The following TPR variants were observed in gnomAD, a reference collection of about 807,000 sequenced individuals.
The protein encoded by TPR is translocated promoter region, nuclear basket protein.
Under a neutral mutation model 316.1 loss-of-function variants are expected in TPR, and 51 were observed. The observed-to-expected ratio is 0.16, with a 90% CI of 0.13 to 0.20. TPR has a LOEUF of 0.20. Among genes scored for constraint, TPR ranks in the 10% least tolerant of loss-of-function variants. The probability of loss-of-function intolerance (pLI) is 1.00; values close to 1 mark genes in which losing one functional copy is unlikely to be tolerated. For missense variants in TPR, 2,272 were observed against 2,754.8 expected, an observed-to-expected ratio of 0.82 and a Z score of 3.92; for synonymous variants, 981 against 914.7, an observed-to-expected ratio of 1.07 and a Z score of -1.31.
At chr1:186,319,226 T>C (rs1406903959) in intron 46 of TPR, among the ~76,000 whole-genome samples, 2 of 152,122 alleles carry the variant, frequency 1.3e-5, no homozygotes, top group Non-Finnish European at 2.9e-5. Context: ...TGGCCTCAAG[T>C]GATCCTCCTG....
At chr1:186,333,901 G>C (rs1281062558) in intron 36 of TPR, among the ~76,000 whole-genome samples, 3 of 152,132 alleles carry the variant, frequency 2.0e-5, no homozygotes, top group African/African-American at 4.8e-5. Flanking sequence ...ACCTACTGTG[G>C]AGTTAGGTAA....
At chr1:186,363,041 GAT>G (rs1558034803) in intron 5 of TPR, 40 bp from the exon 6 acceptor site, 4 of 1,551,850 alleles carry the variant, frequency 2.6e-6, no homozygotes, top group Non-Finnish European at 3.4e-6. Context: ...AGTTAAAGAT[GAT>G]ATATGATTAT....
intron 23 of TPR, 106 bp from the exon 24 acceptor site, chr1:186,345,802 T>A: frequency 1.2e-6 from 1 of 829,990 alleles, no homozygotes; most frequent in Non-Finnish European, 1.9e-6. Context: ...AAGATCCAAT[T>A]AGCCCAAAAA....
chr1:186,314,224 T>C (rs569423472), intron 50 of TPR, 198 bp from the exon 51 acceptor site: 8 of 512,448 alleles, frequency 1.6e-5, no homozygotes, highest in Middle Eastern at 5.2e-4. Context: ...AAAAGTTATA[T>C]TGGAAAACAT....
rs765813214 is a variant in TPR, at chr1:186,317,636, T to C, written c.6822-36A>G. On this transcript the variant is annotated intron_variant, in intron 48 of 50. Coordinates refer to ENST00000367478, the MANE Select transcript of TPR (RefSeq NM_003292.3). ...GAAAAATGAGAAAATACAAAACTGA[T>C]CCTACAGTCAATCATAAATTATATC... 83 of 1,565,326 alleles carry C rather than the reference T, an allele frequency of 5.3e-5. 3 individuals carry two copies. The highest frequency in any genetic ancestry group is 1.6e-4 in the African/African-American group (12 of 73,788).
chr1:186,370,836 T>C (rs1433133260), intron 3 of TPR, 134 bp downstream of exon 3: 11 of 629,368 alleles, frequency 1.7e-5, no homozygotes, highest in Non-Finnish European at 3.0e-5. Context: ...TATTTACATA[T>C]TTTTGTTGGT....
chr1:186,362,179 T>C (rs1455277944), intron 7 of TPR, 109 bp downstream of exon 7: 1 of 858,628 alleles, frequency 1.2e-6, no homozygotes, highest in Non-Finnish European at 1.8e-6. Flanking sequence ...GGACTCTCAC[T>C]GTTTTATGGG....
intron 9 of TPR, among the ~76,000 whole-genome samples, chr1:186,361,308 TAAGAGTATTC>T (rs1659180222): frequency 6.6e-6 from 1 of 151,898 alleles, no homozygotes; most frequent in Non-Finnish European, 1.5e-5. Flanking sequence ...ATTTATAAAG[TAAGAGTATTC>T]AAACATTATC....
chr1:186,339,969 A>G (rs965901268), intron 29 of TPR, among the ~76,000 whole-genome samples, 197 bp from the exon 30 acceptor site: 3 of 151,694 alleles, frequency 2.0e-5, no homozygotes, highest in African/African-American at 2.4e-5. Context: ...ATACAAGAGG[A>G]AAAAAAAATA....
At chr1:186,351,189 TG>T in intron 20 of TPR, 140 bp downstream of exon 20, 1 of 825,766 alleles carries the variant, frequency 1.2e-6, no homozygotes, top group Non-Finnish European at 1.7e-6. Flanking sequence ...AAAAAATTAC[TG>T]GGTATAGAGT....
intron 48 of TPR, among the ~76,000 whole-genome samples, chr1:186,317,817 T>C (rs1188348973): frequency 6.6e-6 from 1 of 152,222 alleles, no homozygotes; most frequent in Non-Finnish European, 1.5e-5. Context: ...CTATGACATG[T>C]TCCAATTTTA....
intron 3 of TPR, among the ~76,000 whole-genome samples, chr1:186,369,790 G>GT (rs1487101222): frequency 6.6e-6 from 1 of 152,130 alleles, no homozygotes; most frequent in African/African-American, 2.4e-5. Flanking sequence ...AATACAAGTG[G>GT]TGAGTGGGCA....
rs902587086 is a variant in TPR at position 186,312,056 on chromosome 1, T to C, written c.*1915A>G. 1.3e-6 allele frequency: 1 copy of C among 773,150 alleles called. No homozygotes were observed. Among genetic ancestry groups the C allele is most frequent in the South Asian group, 1.6e-5 (1 of 61,752 alleles). 47.9% of individuals were successfully genotyped at this position (773,150 alleles called of 1,614,324 possible). On this transcript the variant is annotated 3_prime_UTR_variant, in exon 51 of 51. Transcript: ENST00000367478. ...CTAATAGCCATTATTAATATCAATATATTATATGAAAAATGAGAACAAAAC... is the reference window on the plus strand; with the variant it reads ...CTAATAGCCATTATTAATATCAATACATTATATGAAAAATGAGAACAAAAC...
chr1:186,312,259 A>G lies in TPR; in HGVS notation c.*1712T>C. On this transcript the variant is annotated 3_prime_UTR_variant, in exon 51 of 51. Coordinates refer to ENST00000367478, the MANE Select transcript of TPR (RefSeq NM_003292.3). ...AGGCCTGCTCTAAATTATCCAGTGT[A>G]TGGAGAAACGACACAGGTTAGGAGA... 6.2e-7 allele frequency: 1 copy of G among 1,614,054 alleles called. No homozygotes were observed. Among genetic ancestry groups the G allele is most frequent in the Non-Finnish European group, 8.5e-7 (1 of 1,179,924 alleles).
chr1:186,316,413 C>T (rs1418441500), intron 49 of TPR, among the ~76,000 whole-genome samples: 3 of 152,020 alleles, frequency 2.0e-5, no homozygotes, highest in African/African-American at 7.3e-5. Flanking sequence ...AGCTGAGAAT[C>T]AGGGGAAGAG....
intron 39 of TPR, 128 bp downstream of exon 39, chr1:186,331,370 A>G: frequency 5.0e-6 from 3 of 597,716 alleles, no homozygotes. Context: ...GATTAATTCT[A>G]GTAGTATTTC....
chr1:186,365,653 G>A (rs140455968), intron 4 of TPR, among the ~76,000 whole-genome samples: 1 of 152,298 alleles, frequency 6.6e-6, no homozygotes, highest in African/African-American at 2.4e-5. Context: ...ACACTGAAGA[G>A]GCCATCCCTT....
chr1:186,334,606 A>G, intron 35 of TPR, 73 bp from the exon 36 acceptor site: 1 of 1,442,900 alleles, frequency 6.9e-7, no homozygotes, highest in African/African-American at 1.4e-5. Context: ...CACAGTGAGT[A>G]TAGGTCTCCA....
At chr1:186,351,941 T>C (rs865972917) in intron 19 of TPR, 35 bp downstream of exon 19, 2 of 1,558,566 alleles carry the variant, frequency 1.3e-6, no homozygotes, top group Non-Finnish European at 8.6e-7. Flanking sequence ...TTAACTTTTA[T>C]ACATTTTTTC....
Sources: gnomAD v4.1 joint callset for allele counts (sites outside exome capture counted in the v4.1 genomes callset) on GRCh38, gnomAD v4.1.1 for gene constraint, MANE v1.5 for transcripts, NCBI Gene and HGNC (gene_info 2026-07-23, HGNC 2026-07-21) for gene names.